Variants in SLC8A3 observed in about 807,000 individuals in gnomAD.
SLC8A3 encodes the protein solute carrier family 8 member A3.
In SLC8A3, 37 loss-of-function variants were observed where a neutral mutation model predicts 65.4. The observed-to-expected ratio is 0.57, with a 90% CI of 0.44 to 0.74. The LOEUF (loss-of-function observed/expected upper bound fraction) is 0.74, where lower values mean the gene tolerates loss of function less well. Among genes scored for constraint, SLC8A3 ranks in the 30% least tolerant of loss-of-function variants. The probability of loss-of-function intolerance (pLI) is 0.00; values close to 1 mark genes in which losing one functional copy is unlikely to be tolerated. For synonymous variants in SLC8A3, 461 were observed against 444.5 expected, an observed-to-expected ratio of 1.04 and a Z score of -0.47; for missense variants, 1,112 against 1,172.1, an observed-to-expected ratio of 0.95 and a Z score of 0.75.
intron 1 of SLC8A3, among the ~76,000 whole-genome samples, chr14:70,172,163 G>C (rs1207688656): frequency 6.6e-6 from 1 of 151,962 alleles, no homozygotes; most frequent in East Asian, 1.9e-4. Flanking sequence ...CCCCACCCAG[G>C]ACCACCCCAA....
At chr14:70,105,139 C>T (rs1027414813) in intron 2 of SLC8A3, among the ~76,000 whole-genome samples, 2 of 152,124 alleles carry the variant, frequency 1.3e-5, no homozygotes, top group Admixed American at 1.3e-4. Context: ...ACCATCCTGG[C>T]TAACGTGGTG....
At chr14:70,164,621 A>T (rs913981409) in intron 2 of SLC8A3, among the ~76,000 whole-genome samples, 1 of 152,178 alleles carries the variant, frequency 6.6e-6, no homozygotes, top group Admixed American at 6.5e-5. Context: ...TGCATAATTG[A>T]TTATTAATAG....
chr14:70,113,067 G>C (rs1893418398), intron 2 of SLC8A3, among the ~76,000 whole-genome samples: 1 of 25,086 alleles, frequency 4.0e-5, no homozygotes, highest in African/African-American at 1.1e-4. Context: ...AAATACATTG[G>C]TCTTTGTGTC....
chr14:70,137,466 A>G (rs1422640194), intron 2 of SLC8A3, among the ~76,000 whole-genome samples: 4 of 152,064 alleles, frequency 2.6e-5, no homozygotes, highest in Non-Finnish European at 5.9e-5. Flanking sequence ...TAAGCAAGTC[A>G]TATTTCAAAA....
intron 2 of SLC8A3, chr14:70,080,068 G>A (rs2139995748): frequency 7.1e-6 from 7 of 984,624 alleles, no homozygotes; most frequent in Non-Finnish European, 8.4e-6. Context: ...GGCTCAGCAA[G>A]TGATGGTTCC....
chr14:70,171,252 C>T (rs556521634), intron 1 of SLC8A3, among the ~76,000 whole-genome samples: 2 of 152,208 alleles, frequency 1.3e-5, no homozygotes, highest in South Asian at 2.1e-4. Context: ...GAGAAGAGAG[C>T]CGGTCTTCCA....
chr14:70,185,625 CA>C (rs1213123935), intron 1 of SLC8A3, among the ~76,000 whole-genome samples: 15 of 152,190 alleles, frequency 9.9e-5, no homozygotes, highest in African/African-American at 3.6e-4. Flanking sequence ...AGAGCAGGAA[CA>C]GAGAAGGAAA....
intron 2 of SLC8A3, among the ~76,000 whole-genome samples, chr14:70,068,141 T>A (rs1418979498): frequency 6.6e-6 from 1 of 152,308 alleles, no homozygotes; most frequent in East Asian, 1.9e-4. Context: ...GTCCTTTGCA[T>A]CGAGGACATT....
chr14:70,157,661 G>A (rs1375478026), intron 2 of SLC8A3, among the ~76,000 whole-genome samples: 1 of 152,174 alleles, frequency 6.6e-6, no homozygotes, highest in African/African-American at 2.4e-5. Flanking sequence ...CACCCAGGAG[G>A]GAGAGCACTG....
At chr14:70,175,824 T>C in intron 1 of SLC8A3, among the ~76,000 whole-genome samples, 1 of 146,550 alleles carries the variant, frequency 6.8e-6, no homozygotes, top group Admixed American at 6.9e-5. Flanking sequence ...AACCTCCGCC[T>C]CCCAGGATCA....
intron 1 of SLC8A3, among the ~76,000 whole-genome samples, chr14:70,174,245 G>T (rs1307815994): frequency 6.6e-5 from 10 of 152,208 alleles, no homozygotes; most frequent in Non-Finnish European, 1.2e-4. Flanking sequence ...AAGCTTGGAA[G>T]CTCTACATAC....
chr14:70,172,424 C>A (rs973413886), intron 1 of SLC8A3, among the ~76,000 whole-genome samples: 7 of 152,074 alleles, frequency 4.6e-5, no homozygotes, highest in Non-Finnish European at 7.4e-5. Flanking sequence ...CTAAGCTGTC[C>A]CACTTTGTTG....
intron 2 of SLC8A3, among the ~76,000 whole-genome samples, chr14:70,124,642 C>G (rs1040124737): frequency 6.6e-6 from 1 of 152,266 alleles, no homozygotes; most frequent in Admixed American, 6.5e-5. Context: ...CAATGCCTGA[C>G]AGGCAAGACC....
rs1886826810 is a variant in SLC8A3, at chr14:70,046,619, T to C, written c.2390-296A>G. 3.1e-6 allele frequency: 1 copy of C among 318,090 alleles called. No individual in the cohort carries two copies. The allele number at this position is 318,090 out of a possible 1,614,324, so 19.7% of individuals were successfully genotyped here. A position where few individuals can be genotyped will look rare whatever the true frequency, so the allele number is the denominator to read the frequency against. ...GCTTATTGTTCTCCTTTGACTACTT[T>C]TTCAGTAAGGGAAGTTTGCCATCCC... On this transcript the variant is annotated intron_variant, in intron 6 of 6. Coordinates refer to ENST00000356921, the MANE Select transcript of SLC8A3 (RefSeq NM_182932.3). The surrounding 1 kb of genome is among the most constrained non-coding windows in gnomAD (Gnocchi z 4.2).
intron 2 of SLC8A3, among the ~76,000 whole-genome samples, chr14:70,087,927 C>T (rs930016111): frequency 5.3e-5 from 8 of 152,072 alleles, no homozygotes; most frequent in African/African-American, 1.9e-4. Context: ...ATTCTCTGTC[C>T]ACCAAGAGAT....
intron 2 of SLC8A3, among the ~76,000 whole-genome samples, chr14:70,107,937 A>C (rs943056008): frequency 2.6e-5 from 4 of 152,004 alleles, no homozygotes; most frequent in African/African-American, 9.7e-5. Flanking sequence ...TCTCTGATAG[A>C]TGTTTGGCAT....
intron 2 of SLC8A3, among the ~76,000 whole-genome samples, chr14:70,115,553 G>A (rs1181499519): frequency 1.3e-5 from 2 of 152,176 alleles, no homozygotes; most frequent in African/African-American, 4.8e-5. Flanking sequence ...ACACAGTAAG[G>A]CCTGACACAT....
At chr14:70,125,462 G>T (rs1310071683) in intron 2 of SLC8A3, among the ~76,000 whole-genome samples, 1 of 152,168 alleles carries the variant, frequency 6.6e-6, no homozygotes, top group African/African-American at 2.4e-5. Flanking sequence ...TCACTTAAGA[G>T]AATGGCTTCC....
At chr14:70,148,892 A>G (rs1038469929) in intron 2 of SLC8A3, among the ~76,000 whole-genome samples, 3 of 152,178 alleles carry the variant, frequency 2.0e-5, no homozygotes, top group Non-Finnish European at 4.4e-5. Context: ...TATGACAAGT[A>G]GGTGTGTAGA....
Sources: gnomAD v4.1 joint callset for allele counts (sites outside exome capture counted in the v4.1 genomes callset) on GRCh38, gnomAD v4.1.1 for gene constraint, Gnocchi (gnomAD v3.1) non-coding constraint, MANE v1.5 for transcripts, NCBI Gene and HGNC (gene_info 2026-07-23, HGNC 2026-07-21) for gene names.